The following WWOX variants were observed in gnomAD, a reference collection of about 807,000 sequenced individuals.
WWOX encodes the protein WW domain containing oxidoreductase, also known as WW domain-containing oxidoreductase.
In WWOX, 69 loss-of-function variants were observed where a neutral mutation model predicts 46.2. That is an observed-to-expected ratio of 1.49 (90% CI 1.23 to 1.82). The LOEUF (loss-of-function observed/expected upper bound fraction) is 1.82, where lower values mean the gene tolerates loss of function less well. Ranked by LOEUF, WWOX falls within the 40% of genes most tolerant of loss-of-function variation. WWOX has a pLI of 0.00. For synonymous variants in WWOX, 359 were observed against 202.6 expected (o/e 1.77, Z -6.56); for missense variants, 919 against 542.6 (o/e 1.69, Z -6.89).
chr16:78,719,341 G>C (rs549798051), intron 8 of WWOX, among the ~76,000 whole-genome samples: 1 of 152,168 alleles, frequency 6.6e-6, no homozygotes, highest in Non-Finnish European at 1.5e-5. Context: ...CATTCCTCCC[G>C]TGAGACCACC....
intron 8 of WWOX, among the ~76,000 whole-genome samples, chr16:78,837,067 A>G (rs1176593616): frequency 6.6e-6 from 1 of 152,142 alleles, no homozygotes; most frequent in South Asian, 2.1e-4. Context: ...AAGAAGTTCC[A>G]GAATTGCAGA....
intron 8 of WWOX, among the ~76,000 whole-genome samples, chr16:78,498,551 C>T (rs1376109027): frequency 1.3e-5 from 2 of 152,150 alleles, no homozygotes; most frequent in Non-Finnish European, 1.5e-5. Context: ...GAAAGTGCTG[C>T]ACACCTTTGG....
rs559356351 is a variant in WWOX, at chr16:78,805,088, T to G, written c.1056+372336T>G. ...AAAAGTACTTTTCTGCATGTGGTCTTGTACATGAAATTAAGAATATCACTA... is the reference window on the plus strand; with the variant it reads ...AAAAGTACTTTTCTGCATGTGGTCTGGTACATGAAATTAAGAATATCACTA... On this transcript the variant is annotated intron_variant, in intron 8 of 8. Transcript: ENST00000566780. Among the ~76,000 whole-genome samples, 10 of 152,354 alleles carry G rather than the reference T, an allele frequency of 6.6e-5. No homozygotes were observed. The East Asian group carries it at 1.7e-3, about 26-fold the overall frequency.
chr16:78,471,920 G>A (rs1401537412), intron 8 of WWOX, among the ~76,000 whole-genome samples: 3 of 151,948 alleles, frequency 2.0e-5, no homozygotes, highest in South Asian at 2.1e-4. Flanking sequence ...ACGGTTATCA[G>A]TTTTTGATTC....
Position 78,619,140 on chromosome 16 carries a change from AAAATATATATATATATATATATATAT to A in WWOX, c.1056+186390_1056+186415del, listed in dbSNP as rs1308284441. 1.0e-3 allele frequency among the ~76,000 whole-genome samples: 12 copies of A among 11,772 alleles called. 2 individuals are homozygous for A. Among genetic ancestry groups the A allele is most frequent in the Non-Finnish European group, 2.0e-3 (11 of 5,590 alleles). 7.7% of individuals were successfully genotyped at this position (11,772 alleles called of 152,430 possible). Reference sequence around the variant, plus strand: ...GCAAAACCCCATTTCTACTAAAAAAAAAATATATATATATATATATATATATATATATATATATATATATATATATA... The same window carrying A: ...GCAAAACCCCATTTCTACTAAAAAAAATATATATATATATATATATATATA... On this transcript the variant is annotated intron_variant, in intron 8 of 8. Transcript: ENST00000566780.
chr16:78,327,949 T>A lies in WWOX; in HGVS notation c.517-58911T>A, dbSNP rs564357094. ...TGGAGTACAGTTGTACAATCTTGGC[T>A]CATGGCAACCTCAAACTTCTGGGCT... On this transcript the variant is annotated intron_variant, in intron 5 of 8. Coordinates refer to ENST00000566780, the MANE Select transcript of WWOX (RefSeq NM_016373.4). 1.9e-4 allele frequency among the ~76,000 whole-genome samples: 28 copies of A among 146,454 alleles called. No homozygotes were observed. In the South Asian group the frequency reaches 5.7e-3, roughly 30 times the overall value.
chr16:78,597,916 A>C (rs1175971686), intron 8 of WWOX, among the ~76,000 whole-genome samples: 1 of 152,074 alleles, frequency 6.6e-6, no homozygotes. Context: ...CAGACACTGT[A>C]AAACTACTGA....
chr16:79,091,832 G>C (rs185379886), intron 8 of WWOX, among the ~76,000 whole-genome samples: 2 of 141,354 alleles, frequency 1.4e-5, no homozygotes, highest in Non-Finnish European at 3.0e-5. Flanking sequence ...CCAGGCTGGA[G>C]AGCAGTGGTA....
chr16:78,996,396 C>T, intron 8 of WWOX: 1 of 915,142 alleles, frequency 1.1e-6, no homozygotes, highest in Non-Finnish European at 1.3e-6. Flanking sequence ...CCCAGCTTCC[C>T]CACCTGTAAA....
At chr16:78,439,947 C>G (rs1265964691) in intron 8 of WWOX, among the ~76,000 whole-genome samples, 1 of 152,184 alleles carries the variant, frequency 6.6e-6, no homozygotes, top group Non-Finnish European at 1.5e-5. Context: ...TATCAAGAGA[C>G]AGAGCATTCT....
intron 8 of WWOX, among the ~76,000 whole-genome samples, chr16:79,095,099 C>T (rs1211970798): frequency 6.6e-6 from 1 of 152,168 alleles, no homozygotes; most frequent in East Asian, 1.9e-4. Flanking sequence ...CAGCCCCGTT[C>T]TATTGCAAAG....
chr16:79,062,713 T>A (rs1302359788), intron 8 of WWOX, among the ~76,000 whole-genome samples: 1 of 152,182 alleles, frequency 6.6e-6, no homozygotes, highest in Non-Finnish European at 1.5e-5. Flanking sequence ...ACCTCCTGGT[T>A]TTCAGCCTGA....
At chr16:78,878,003 G>A (rs1354285305) in intron 8 of WWOX, among the ~76,000 whole-genome samples, 1 of 152,116 alleles carries the variant, frequency 6.6e-6, no homozygotes, top group Non-Finnish European at 1.5e-5. Flanking sequence ...GTTTTTATAG[G>A]CTCTAGCAGG....
At chr16:78,107,190 C>T (rs187388590) in intron 1 of WWOX, among the ~76,000 whole-genome samples, 1 of 152,236 alleles carries the variant, frequency 6.6e-6, no homozygotes, top group South Asian at 2.1e-4. Flanking sequence ...TTTTAGGAAA[C>T]GCAGCCTACC....
At chr16:78,834,532 G>T (rs1050935097) in intron 8 of WWOX, among the ~76,000 whole-genome samples, 1 of 152,086 alleles carries the variant, frequency 6.6e-6, no homozygotes, top group South Asian at 2.1e-4. Context: ...CTGTAAACAA[G>T]GTCTGAAGGC....
chr16:78,970,997 C>T (rs908609170), intron 8 of WWOX, among the ~76,000 whole-genome samples: 1 of 152,128 alleles, frequency 6.6e-6, no homozygotes, highest in African/African-American at 2.4e-5. Flanking sequence ...AATCCAGATT[C>T]CCATTCTCAT....
intron 8 of WWOX, among the ~76,000 whole-genome samples, chr16:79,074,209 T>A (rs940968525): frequency 6.6e-6 from 1 of 151,502 alleles, no homozygotes; most frequent in Non-Finnish European, 1.5e-5. Flanking sequence ...AGCAAATATG[T>A]GGAAGGAACC....
intron 8 of WWOX, among the ~76,000 whole-genome samples, chr16:79,072,294 C>A (rs1052961678): frequency 1.3e-5 from 2 of 152,072 alleles, no homozygotes; most frequent in African/African-American, 4.8e-5. Context: ...CCCAACCCCC[C>A]AAAAACAGAA....
chr16:79,110,399 C>A (rs1233490654), intron 8 of WWOX, among the ~76,000 whole-genome samples: 2 of 152,156 alleles, frequency 1.3e-5, no homozygotes, highest in Admixed American at 6.5e-5. Context: ...CTATAGAAAC[C>A]TTGAGCTCTG....
Sources: allele counts gnomAD v4.1 joint callset (sites outside exome capture counted in the v4.1 genomes callset), GRCh38; gene constraint gnomAD v4.1.1; transcripts MANE v1.5; gene names NCBI Gene and HGNC (gene_info 2026-07-23, HGNC 2026-07-21).